SHISA9: variants seen among roughly 807,000 people sequenced by gnomAD.
The protein encoded by SHISA9 is protein shisa-9.
SHISA9 carries 13 observed loss-of-function variants against 38.0 expected under a neutral mutation model. That is an observed-to-expected ratio of 0.34 (90% confidence interval 0.22 to 0.54). The LOEUF is 0.54. SHISA9 is among the 20% of genes least tolerant of loss of function. The probability of loss-of-function intolerance (pLI) is 0.91; values close to 1 mark genes in which losing one functional copy is unlikely to be tolerated. For synonymous variants in SHISA9, 275 were observed against 242.0 expected, an observed-to-expected ratio of 1.14 and a Z score of -1.27; for missense variants, 538 against 575.8, an observed-to-expected ratio of 0.93 and a Z score of 0.67.
chr16:12,961,323 G>C (rs2071909316), intron 2 of SHISA9, among the ~76,000 whole-genome samples: 1 of 152,174 alleles, frequency 6.6e-6, no homozygotes, highest in Non-Finnish European at 1.5e-5. Context: ...ATCACACAAG[G>C]TCTCAGATGC....
At chr16:13,542,234 A>G in the SHISA9 span, among the ~76,000 whole-genome samples, 13,565 of 152,172 alleles carry the variant, frequency 0.089, 784 homozygotes, top group East Asian at 0.21. Context: ...CTCCAGAACC[A>G]TGAGATAATG....
At chr16:13,070,809 T>A (rs1174710452) in intron 2 of SHISA9, among the ~76,000 whole-genome samples, 2 of 152,132 alleles carry the variant, frequency 1.3e-5, no homozygotes, top group African/African-American at 4.8e-5. Flanking sequence ...GGTCATACAG[T>A]GGCTAAGTGC....
intron 2 of SHISA9, among the ~76,000 whole-genome samples, chr16:13,039,329 G>A (rs2073107717): frequency 6.6e-6 from 1 of 152,144 alleles, no homozygotes; most frequent in South Asian, 2.1e-4. Context: ...TATTACACCA[G>A]CTTTCACATG....
intron 2 of SHISA9, among the ~76,000 whole-genome samples, chr16:12,944,231 C>T (rs1596542550): frequency 6.6e-6 from 1 of 152,344 alleles, no homozygotes; most frequent in South Asian, 2.1e-4. Flanking sequence ...AGTACAATGT[C>T]TGGCACCTAG....
chr16:13,082,316 C>A (rs1210441550), intron 2 of SHISA9: 2 of 151,986 alleles, frequency 1.3e-5, no homozygotes, highest in Admixed American at 6.6e-5. Flanking sequence ...AGTTATGATG[C>A]CCAGTTCATG....
the SHISA9 span, among the ~76,000 whole-genome samples, chr16:13,433,148 C>A: frequency 6.6e-6 from 1 of 151,166 alleles, no homozygotes; most frequent in African/African-American, 2.4e-5. Flanking sequence ...TAGGGATAGT[C>A]ATAGTTACAA....
chr16:13,121,713 G>A (rs936028316), intron 2 of SHISA9, among the ~76,000 whole-genome samples: 2 of 151,984 alleles, frequency 1.3e-5, no homozygotes, highest in Non-Finnish European at 2.9e-5. Flanking sequence ...GGGGATGGGG[G>A]CAGGGAAGGG....
At chr16:13,298,890 G>T in the SHISA9 span, among the ~76,000 whole-genome samples, 1 of 152,190 alleles carries the variant, frequency 6.6e-6, no homozygotes, top group Non-Finnish European at 1.5e-5. Flanking sequence ...AAGGGCACGT[G>T]TAGTTTCCCT....
chr16:13,428,981 G>A, the SHISA9 span, among the ~76,000 whole-genome samples: 1 of 152,024 alleles, frequency 6.6e-6, no homozygotes, highest in African/African-American at 2.4e-5. Context: ...TGACCAGGCT[G>A]ATCTCAAACT....
rs1189878041 is a variant in SHISA9, at chr16:12,919,330, T to C, written c.691+2515T>C. On this transcript the variant is annotated intron_variant, in intron 2 of 4. Transcript: ENST00000558583. Reference sequence around the variant, plus strand: ...TTACCATTACACAAATTGGAAAGAATGATGCATCTATTTGTGAAACACCAA... The same window carrying C: ...TTACCATTACACAAATTGGAAAGAACGATGCATCTATTTGTGAAACACCAA... Among the ~76,000 whole-genome samples the C allele has an allele frequency of 2.0e-5, 3 of 152,202 alleles. No homozygotes were observed. In the East Asian group the frequency reaches 5.8e-4, roughly 29 times the overall value.
At chr16:13,019,951 CTTTCTTT>C (rs1567184269) in intron 2 of SHISA9, among the ~76,000 whole-genome samples, 13 of 106,074 alleles carry the variant, frequency 1.2e-4, no homozygotes, top group Non-Finnish European at 1.8e-4. Context: ...TTCTTTCTTT[CTTTCTTT>C]CCCTCCTTCT....
At chr16:13,347,980 G>A in the SHISA9 span, among the ~76,000 whole-genome samples, 1 of 152,210 alleles carries the variant, frequency 6.6e-6, no homozygotes, top group South Asian at 2.1e-4. Flanking sequence ...TCCTGGATAA[G>A]CCACCTGGGC....
chr16:13,105,578 G>A (rs182493759), intron 2 of SHISA9, among the ~76,000 whole-genome samples: 2 of 152,362 alleles, frequency 1.3e-5, no homozygotes, highest in Admixed American at 1.3e-4. Flanking sequence ...GACTCCGGAG[G>A]AGGGAGGTCT....
intron 2 of SHISA9, among the ~76,000 whole-genome samples, chr16:13,030,168 C>T (rs369285469): frequency 1.1e-4 from 16 of 152,064 alleles, no homozygotes; most frequent in South Asian, 2.1e-4. Context: ...GGTGTATTGG[C>T]GCCATGTCCA....
chr16:13,159,917 C>T (rs2050580823), intron 2 of SHISA9, among the ~76,000 whole-genome samples: 2 of 152,212 alleles, frequency 1.3e-5, no homozygotes, highest in Non-Finnish European at 2.9e-5. Context: ...CTACTATGTG[C>T]CAGGCACTGG....
chr16:13,162,707 T>C (rs1045851131), intron 2 of SHISA9, among the ~76,000 whole-genome samples: 4 of 152,088 alleles, frequency 2.6e-5, no homozygotes, highest in African/African-American at 9.7e-5. Context: ...CAAACAGGTG[T>C]ATGGATATTG....
chr16:13,095,258 AG>A (rs1475275015), intron 2 of SHISA9, among the ~76,000 whole-genome samples: 1 of 152,246 alleles, frequency 6.6e-6, no homozygotes, highest in African/African-American at 2.4e-5. Flanking sequence ...AGGGACACCC[AG>A]GGCCATCAGT....
At chr16:13,403,465 G>T in the SHISA9 span, among the ~76,000 whole-genome samples, 1 of 152,206 alleles carries the variant, frequency 6.6e-6, no homozygotes, top group Admixed American at 6.5e-5. Context: ...GCAGGATCAG[G>T]AGTGAGGAGC....
At chr16:13,421,465 C>T in the SHISA9 span, among the ~76,000 whole-genome samples, 3 of 152,238 alleles carry the variant, frequency 2.0e-5, no homozygotes, top group South Asian at 4.2e-4. Context: ...CATCAGATCT[C>T]GTGAGACTTA....
Sources: allele counts gnomAD v4.1 joint callset (sites outside exome capture counted in the v4.1 genomes callset), GRCh38; gene constraint gnomAD v4.1.1; transcripts MANE v1.5; gene names NCBI Gene and HGNC (gene_info 2026-07-23, HGNC 2026-07-21).